The following MBP variants were observed in gnomAD, a reference collection of about 807,000 sequenced individuals.
MBP encodes the protein Golli-MBP.
A neutral mutation model predicts 35.8 loss-of-function variants in MBP; 16 were observed. That is an observed-to-expected ratio of 0.45 (90% CI 0.30 to 0.68). MBP has a LOEUF of 0.68. Among genes scored for constraint, MBP ranks in the 30% least tolerant of loss-of-function variants. The pLI is 0.08. For synonymous variants in MBP, 143 were observed against 159.6 expected (o/e 0.90, Z 0.78); for missense variants, 380 against 404.7 (o/e 0.94, Z 0.52).
At chr18:77,007,855 T>C (rs949167885) in intron 4 of MBP, among the ~76,000 whole-genome samples, 1 of 152,196 alleles carries the variant, frequency 6.6e-6, no homozygotes, top group Non-Finnish European at 1.5e-5. Flanking sequence ...GGCCAGGATT[T>C]TAAAGGTATA....
chr18:77,001,937 C>T (rs1568278995), intron 4 of MBP, among the ~76,000 whole-genome samples: 1 of 152,238 alleles, frequency 6.6e-6, no homozygotes, highest in Non-Finnish European at 1.5e-5. Context: ...GACACAGCCA[C>T]GTGTTGGAAC....
intron 4 of MBP, 97 bp from the exon 5 acceptor site, chr18:76,990,157 A>ATT (rs35688328): frequency 0.022 from 13,004 of 602,692 alleles, 188 homozygotes; most frequent in African/African-American, 0.087. Context: ...TGTAATCTGG[A>ATT]TTTTTTTTTT....
rs377083537 is a variant in MBP at position 77,021,143 on chromosome 18, G to A, written c.140-3875C>T. Among the ~76,000 whole-genome samples the A allele has an allele frequency of 3.3e-5, 5 of 152,196 alleles. No individual in the cohort carries two copies. In the South Asian group the frequency reaches 1.0e-3, roughly 32 times the overall value. Reference sequence around the variant, plus strand: ...CAGCTCTGAAGATGAAGCCGTAGGAGCAGCCTCTCGGGTGGAAGATTCTAC... The same window carrying A: ...CAGCTCTGAAGATGAAGCCGTAGGAACAGCCTCTCGGGTGGAAGATTCTAC... On this transcript the variant is annotated intron_variant, in intron 3 of 8. Coordinates refer to ENST00000355994, the MANE Select transcript of MBP (RefSeq NM_001025101.2).
chr18:76,987,694 T>C (rs2123109499), intron 7 of MBP: 1 of 991,570 alleles, frequency 1.0e-6, no homozygotes, highest in East Asian at 1.1e-4. Flanking sequence ...ACAACCTATC[T>C]ACAATACGTT....
At chr18:77,128,900 C>A (rs531801633) in intron 1 of MBP, among the ~76,000 whole-genome samples, 2 of 152,116 alleles carry the variant, frequency 1.3e-5, no homozygotes, top group African/African-American at 4.8e-5. Context: ...ACATTCTAGT[C>A]GAACTCATGT....
At chr18:76,998,903 C>T (rs1411512274) in intron 4 of MBP, among the ~76,000 whole-genome samples, 1 of 152,084 alleles carries the variant, frequency 6.6e-6, no homozygotes, top group Admixed American at 6.6e-5. Context: ...ACCTACTCCA[C>T]GGCTTCCAGT....
At position 76,980,172 on chromosome 18, in the gene MBP, C is replaced by A; in HGVS notation, c.*255G>T. On this transcript the variant is annotated 3_prime_UTR_variant, in exon 9 of 9. Transcript: ENST00000355994. The stretch of plus-strand genomic sequence containing the variant: ...GAAGACCCACGTGCGTCTGGGGGCA[C>A]ATTGCGGGGGAAGGAACGTGATCTT... 1 of 637,702 alleles carries A rather than the reference C, an allele frequency of 1.6e-6. No homozygotes were observed. Among genetic ancestry groups the A allele is most frequent in the Non-Finnish European group, 2.8e-6 (1 of 356,134 alleles). The allele number at this position is 637,702 out of a possible 1,614,324, so 39.5% of individuals were successfully genotyped here. A position where few individuals can be genotyped will look rare whatever the true frequency, so the allele number is the denominator to read the frequency against.
At chr18:77,011,340 G>A (rs768957451) in intron 4 of MBP, among the ~76,000 whole-genome samples, 12 of 152,336 alleles carry the variant, frequency 7.9e-5, no homozygotes, top group Admixed American at 2.6e-4. Flanking sequence ...GTGTCCATGA[G>A]CGTGAGCAAG....
At chr18:77,069,900 A>G (rs1974363471) in intron 2 of MBP, among the ~76,000 whole-genome samples, 1 of 152,142 alleles carries the variant, frequency 6.6e-6, no homozygotes, top group African/African-American at 2.4e-5. Context: ...CCACCTTCTC[A>G]ACTCAGTTCT....
chr18:77,048,277 C>T (rs944307617), intron 3 of MBP, among the ~76,000 whole-genome samples: 1 of 152,182 alleles, frequency 6.6e-6, no homozygotes, highest in African/African-American at 2.4e-5. Flanking sequence ...GAGGACTGTG[C>T]AGAGGTAGAA....
At chr18:76,987,865 T>G (rs1969647851) in intron 7 of MBP, 2 of 1,041,740 alleles carry the variant, frequency 1.9e-6, no homozygotes, top group East Asian at 8.8e-5. Flanking sequence ...AAAGTTCAAA[T>G]TGGCCATTTT....
rs562919085 is a variant in MBP, at chr18:77,019,759, C to T, written c.140-2491G>A. On this transcript the variant is annotated intron_variant, in intron 3 of 8. Transcript: ENST00000355994. ...GACAGGACAAGATGAGAGTCTGGGC[C>T]CTGCGAGGACTTGGGGAAGTTGGGG... Among the ~76,000 whole-genome samples the T allele has an allele frequency of 5.9e-5, 9 of 152,198 alleles. No homozygotes were observed. The East Asian group carries it at 1.5e-3, about 26-fold the overall frequency.
At chr18:77,084,341 T>C (rs2144956859) in intron 2 of MBP, among the ~76,000 whole-genome samples, 1 of 151,442 alleles carries the variant, frequency 6.6e-6, no homozygotes, top group Admixed American at 6.6e-5. Context: ...CATAAATAAA[T>C]GCCTGATGAC....
rs1969756656 is a variant in MBP, at chr18:76,989,271, G to T, written c.682-359C>A. Reference sequence around the variant, plus strand: ...AGTAGCGGGCCCTCTGACATTCAGAGCTTCCAAGGGGATGTCCCCAGGTCT... The same window carrying T: ...AGTAGCGGGCCCTCTGACATTCAGATCTTCCAAGGGGATGTCCCCAGGTCT... On this transcript the variant is annotated intron_variant, in intron 5 of 8. Transcript: ENST00000355994. This position sits in a 1 kb window ranked among gnomAD's most constrained non-coding sequence, Gnocchi z 4.0. Among the ~76,000 whole-genome samples the T allele has an allele frequency of 6.6e-6, 1 of 152,202 alleles. No individual in the cohort carries two copies. The highest frequency in any genetic ancestry group is 2.4e-5 in the African/African-American group (1 of 41,434).
intron 2 of MBP, among the ~76,000 whole-genome samples, chr18:77,085,913 ACCTCGTGAT>A (rs1975212706): frequency 6.6e-6 from 1 of 151,982 alleles, no homozygotes; most frequent in African/African-American, 2.4e-5. Flanking sequence ...CGATCTCCTG[ACCTCGTGAT>A]CCACCTGCCT....
chr18:77,099,419 T>C (rs1975908823), intron 2 of MBP, among the ~76,000 whole-genome samples: 1 of 152,242 alleles, frequency 6.6e-6, no homozygotes, highest in Non-Finnish European at 1.5e-5. Context: ...GTTAACCATT[T>C]CATGAACAAT....
intron 1 of MBP, chr18:77,114,537 T>A (rs996549224): frequency 2.0e-5 from 3 of 152,262 alleles, no homozygotes. Context: ...GGCATGGTGT[T>A]CAGCTTTAGC....
chr18:76,985,026 C>T, intron 7 of MBP, 132 bp from the exon 8 acceptor site: 2 of 1,509,984 alleles, frequency 1.3e-6, no homozygotes, highest in Non-Finnish European at 1.8e-6. Flanking sequence ...GGTTCAGGAG[C>T]CACGGGCCAG....
intron 4 of MBP, among the ~76,000 whole-genome samples, chr18:77,007,329 C>G (rs912500714): frequency 1.3e-5 from 2 of 152,218 alleles, no homozygotes; most frequent in African/African-American, 2.4e-5. Context: ...TATTCTTCCA[C>G]TCAATATGCA....
Sources: allele counts gnomAD v4.1 joint callset (sites outside exome capture counted in the v4.1 genomes callset), GRCh38; gene constraint gnomAD v4.1.1; non-coding constraint Gnocchi (gnomAD v3.1); transcripts MANE v1.5; gene names NCBI Gene and HGNC (gene_info 2026-07-23, HGNC 2026-07-21).